Variants in CDC14B observed in about 807,000 individuals in gnomAD.
The protein encoded by CDC14B is dual specificity protein phosphatase CDC14B.
In CDC14B, 22 loss-of-function variants were observed where a neutral mutation model predicts 64.2. The ratio of observed to expected loss-of-function variants is 0.34; its 90% CI spans 0.24 to 0.49. CDC14B has a LOEUF of 0.49. CDC14B is among the 20% of genes least tolerant of loss of function. The pLI is 0.99. For synonymous variants in CDC14B, 191 were observed against 215.8 expected (o/e 0.89, Z 1.01); for missense variants, 498 against 629.9 (o/e 0.79, Z 2.24).
At chr9:96,495,620 T>G (rs1442517936), downstream of CDC14B, among the ~76,000 whole-genome samples, 1 of 152,070 alleles carries the variant, frequency 6.6e-6, no homozygotes, top group Non-Finnish European at 1.5e-5. Context: ...GGTGAGAGGA[T>G]AGAGCTGGAG....
chr9:96,618,177 A>G (rs1473827513), intron 1 of CDC14B, among the ~76,000 whole-genome samples: 3 of 152,212 alleles, frequency 2.0e-5, no homozygotes, highest in Non-Finnish European at 2.9e-5. Flanking sequence ...GTGTTTGTCT[A>G]AACACTTCCA....
downstream of CDC14B, among the ~76,000 whole-genome samples, chr9:96,497,416 C>T (rs1488161866): frequency 1.3e-5 from 2 of 152,190 alleles, no homozygotes; most frequent in Non-Finnish European, 2.9e-5. Context: ...CCCCAATAAA[C>T]GGATAGACAC....
chr9:96,553,960 T>TG, intron 4 of CDC14B, among the ~76,000 whole-genome samples: 1 of 152,146 alleles, frequency 6.6e-6, no homozygotes, highest in East Asian at 1.9e-4. Context: ...GGTCAGGAGA[T>TG]GGAGACCATC....
intron 1 of CDC14B, among the ~76,000 whole-genome samples, chr9:96,599,965 C>T (rs1180591248): frequency 6.6e-6 from 1 of 152,118 alleles, no homozygotes; most frequent in Non-Finnish European, 1.5e-5. Context: ...CTCTTGACCT[C>T]GTGATCCATC....
intron 12 of CDC14B, among the ~76,000 whole-genome samples, chr9:96,512,121 G>A (rs1022094615): frequency 1.3e-5 from 2 of 151,662 alleles, no homozygotes; most frequent in Non-Finnish European, 2.9e-5. Flanking sequence ...GGGAGGTTGA[G>A]GTAGGAGGAT....
chr9:96,616,001 C>T (rs1847602390), intron 1 of CDC14B, among the ~76,000 whole-genome samples: 1 of 152,154 alleles, frequency 6.6e-6, no homozygotes, highest in South Asian at 2.1e-4. Flanking sequence ...CTAAATAAAT[C>T]ATGATTTGGC....
intron 9 of CDC14B, among the ~76,000 whole-genome samples, chr9:96,526,960 G>A (rs1488599314): frequency 5.3e-5 from 8 of 152,112 alleles, no homozygotes; most frequent in Non-Finnish European, 1.0e-4. Context: ...AATGAAATAA[G>A]CAATGCTGGC....
In CDC14B at chr9:96,568,266, T is replaced by C. The variant is rs546478314; in HGVS notation, c.161-2783A>G. On this transcript the variant is annotated intron_variant, in intron 1 of 13. Coordinates refer to ENST00000375241, the MANE Select transcript of CDC14B (RefSeq NM_033331.4). The stretch of plus-strand genomic sequence containing the variant: ...TGAATTCTTTTTTATACTCTCCAAC[T>C]GGGGAAGACCTTGCTAAATGATACA... Among the ~76,000 whole-genome samples the C allele has an allele frequency of 4.6e-5, 7 of 152,316 alleles. No homozygotes were observed. The South Asian group carries it at 1.4e-3, about 32-fold the overall frequency.
intron 1 of CDC14B, among the ~76,000 whole-genome samples, chr9:96,603,638 T>G (rs1450822814): frequency 6.6e-6 from 1 of 152,246 alleles, no homozygotes; most frequent in Non-Finnish European, 1.5e-5. Flanking sequence ...ACGTCAAGGC[T>G]TTTATTATTG....
chr9:96,591,870 C>A (rs1412114998), intron 1 of CDC14B, among the ~76,000 whole-genome samples: 1 of 151,770 alleles, frequency 6.6e-6, no homozygotes, highest in Admixed American at 6.6e-5. Context: ...CTCAGCCTTC[C>A]GAGTAGCTGG....
downstream of CDC14B, chr9:96,496,385 G>A (rs772044164): frequency 1.2e-5 from 6 of 495,470 alleles, no homozygotes; most frequent in Admixed American, 6.2e-5. Flanking sequence ...GATGGACAGC[G>A]CTGTACTTAC....
chr9:96,545,551 C>T (rs1329899394), intron 5 of CDC14B, among the ~76,000 whole-genome samples: 1 of 152,112 alleles, frequency 6.6e-6, no homozygotes, highest in African/African-American at 2.4e-5. Context: ...ATCTCCTGAC[C>T]TCGTGATCCA....
At chr9:96,552,404 T>C (rs1040234473) in intron 4 of CDC14B, among the ~76,000 whole-genome samples, 2 of 152,252 alleles carry the variant, frequency 1.3e-5, no homozygotes, top group East Asian at 1.9e-4. Context: ...CTTAGAACTA[T>C]GCTATGCTTT....
intron 12 of CDC14B, among the ~76,000 whole-genome samples, chr9:96,521,465 T>C (rs138239103): frequency 6.6e-5 from 10 of 152,346 alleles, no homozygotes; most frequent in African/African-American, 2.4e-4. Flanking sequence ...ATAATCAAAA[T>C]GGATGCCCTA....
intron 1 of CDC14B, among the ~76,000 whole-genome samples, chr9:96,586,849 C>T (rs16911329): frequency 6.7e-6 from 1 of 149,998 alleles, no homozygotes; most frequent in African/African-American, 2.5e-5. Flanking sequence ...ATCAACCCCA[C>T]TACTTTAAAA....
At chr9:96,491,488 T>A (rs1833095582) in exon 14 of CDC14B, 1 of 152,210 alleles carries the variant, frequency 6.6e-6, no homozygotes, top group Non-Finnish European at 1.5e-5. Flanking sequence ...TTATTTATTA[T>A]CTGAGTACTA....
In CDC14B at chr9:96,533,952, C is replaced by T. The variant is rs1223262722; in HGVS notation, c.921G>A (p.Glu307=). 6.2e-7 allele frequency: 1 copy of T among 1,612,068 alleles called. No homozygotes were observed. Among genetic ancestry groups the T allele is most frequent in the Non-Finnish European group, 8.5e-7 (1 of 1,178,886 alleles). ...KEFLDICENA[E]GAIAVHCKAG... ...CTTTGCAATGTACTGCAATGGCACC[C>T]TCAGCATTTTCACAGATATCTAGGA... is the stretch of plus-strand genomic sequence containing the variant. The change falls in exon 9 of 14, where the codon GAG becomes GAA. Residue 307 remains glutamate (E), a synonymous_variant. Coordinates refer to ENST00000375241, the MANE Select transcript of CDC14B (RefSeq NM_033331.4).
intron 13 of CDC14B, 128 bp downstream of exon 13, chr9:96,509,544 TG>T (rs1275324945): frequency 1.7e-5 from 12 of 723,776 alleles, no homozygotes; most frequent in Non-Finnish European, 3.0e-5. Flanking sequence ...AATACACATT[TG>T]ATGAATTTCC....
chr9:96,569,730 T>G (rs1053515011), intron 1 of CDC14B, among the ~76,000 whole-genome samples: 2 of 152,070 alleles, frequency 1.3e-5, no homozygotes, highest in Non-Finnish European at 1.5e-5. Context: ...GCTCAAGCGA[T>G]TCTCCTGCCT....
Sources: allele counts gnomAD v4.1 joint callset (sites outside exome capture counted in the v4.1 genomes callset), GRCh38; gene constraint gnomAD v4.1.1; transcripts MANE v1.5; gene names NCBI Gene and HGNC (gene_info 2026-07-23, HGNC 2026-07-21).